The following DYNC2I1 variants were observed in gnomAD, a reference collection of about 807,000 sequenced individuals.
DYNC2I1 encodes cytoplasmic dynein 2 intermediate chain 1.
DYNC2I1 carries 89 observed loss-of-function variants against 133.4 expected under a neutral mutation model. That is an observed-to-expected ratio of 0.67 (90% confidence interval 0.56 to 0.80). The LOEUF is 0.80. DYNC2I1 is among the 30% of genes least tolerant of loss of function. The probability of loss-of-function intolerance (pLI) is 0.00; values close to 1 mark genes in which losing one functional copy is unlikely to be tolerated. For missense variants in DYNC2I1, 1,291 were observed against 1,314.5 expected (o/e 0.98, Z 0.28); for synonymous variants, 504 against 484.3 (o/e 1.04, Z -0.54).
At chr7:158,935,868 C>G (rs1850703757) in intron 23 of DYNC2I1, among the ~76,000 whole-genome samples, 1 of 152,046 alleles carries the variant, frequency 6.6e-6, no homozygotes, top group South Asian at 2.1e-4. Flanking sequence ...GAGTTCAAGA[C>G]CAGCCTGACC....
At chr7:158,839,438 A>C in the DYNC2I1 span, among the ~76,000 whole-genome samples, 3 of 150,464 alleles carry the variant, frequency 2.0e-5, no homozygotes, top group Admixed American at 6.6e-5. Context: ...AAACCTAAAG[A>C]GGATGCTAAT....
At chr7:158,853,553 TCTC>T (rs370684086), upstream of DYNC2I1, among the ~76,000 whole-genome samples, 228 of 152,194 alleles carry the variant, frequency 1.5e-3, 1 homozygote, top group African/African-American at 5.3e-3. Context: ...CCCAACAGGT[TCTC>T]CTTGCCGGCT....
At chr7:158,897,656 A>G (rs1293024072) in intron 8 of DYNC2I1, among the ~76,000 whole-genome samples, 1 of 152,108 alleles carries the variant, frequency 6.6e-6, no homozygotes, top group Admixed American at 6.6e-5. Context: ...AGCTTGGCCT[A>G]GAAGTGTACT....
chr7:158,870,075 C>T (rs982237403), intron 2 of DYNC2I1, among the ~76,000 whole-genome samples, 167 bp downstream of exon 2: 4 of 152,198 alleles, frequency 2.6e-5, no homozygotes, highest in Admixed American at 6.5e-5. Context: ...CCCTCTGGAA[C>T]GTTGGTTAAG....
chr7:158,864,324 C>T (rs140379706), intron 1 of DYNC2I1, among the ~76,000 whole-genome samples: 122 of 152,194 alleles, frequency 8.0e-4, no homozygotes, highest in African/African-American at 2.7e-3. Flanking sequence ...AGATGAATGT[C>T]ACAGGGTTGG....
At chr7:158,845,239 T>C in the DYNC2I1 span, among the ~76,000 whole-genome samples, 1 of 152,106 alleles carries the variant, frequency 6.6e-6, no homozygotes, top group Non-Finnish European at 1.5e-5. Context: ...TTTTTTTTTG[T>C]ATGGTGAGTG....
chr7:158,890,716 G>A (rs1041327038), intron 7 of DYNC2I1, among the ~76,000 whole-genome samples: 1 of 151,998 alleles, frequency 6.6e-6, no homozygotes, highest in South Asian at 2.1e-4. Flanking sequence ...TGGGATTATA[G>A]GCACCCGCCA....
chr7:158,916,211 C>A (rs1305466167), intron 14 of DYNC2I1, among the ~76,000 whole-genome samples: 1 of 80,772 alleles, frequency 1.2e-5, no homozygotes, highest in South Asian at 3.5e-4. Context: ...GATTGTGAAA[C>A]GTCTACACGC....
intron 23 of DYNC2I1, 110 bp downstream of exon 23, chr7:158,934,659 C>A (rs1000275830): frequency 8.7e-6 from 10 of 1,151,424 alleles, no homozygotes; most frequent in East Asian, 5.4e-5. Flanking sequence ...TAGCTCACTG[C>A]AGCCTTGAAC....
Position 158,917,645 on chromosome 7 carries a change from G to A in DYNC2I1, c.1792-1095G>A, listed in dbSNP as rs533496700. Among the ~76,000 whole-genome samples, 172 of 108,936 alleles carry A rather than the reference G, an allele frequency of 1.6e-3. 2 individuals are homozygous for A. The highest frequency in any genetic ancestry group is 6.9e-3 in the African/African-American group (158 of 22,780). 71.5% of individuals were successfully genotyped at this position (108,936 alleles called of 152,430 possible). ...TCCTGTCCTCCACACTCCACCCTCC[G>A]CCTCTCGCTAAACACCCCCTGCCCT... On this transcript the variant is annotated intron_variant, in intron 14 of 24. Transcript: ENST00000407559.
At chr7:158,898,944 G>A (rs1195961641) in intron 8 of DYNC2I1, among the ~76,000 whole-genome samples, 2 of 151,472 alleles carry the variant, frequency 1.3e-5, no homozygotes, top group Non-Finnish European at 2.9e-5. Context: ...GAATAAGACT[G>A]TATCACTCCC....
chr7:158,877,344 G>A (rs1418259410), intron 4 of DYNC2I1, among the ~76,000 whole-genome samples: 1 of 152,252 alleles, frequency 6.6e-6, no homozygotes, highest in Admixed American at 6.5e-5. Flanking sequence ...GGCACCTGCG[G>A]TTCTGGACAC....
chr7:158,877,553 A>G (rs2129478273), intron 4 of DYNC2I1, among the ~76,000 whole-genome samples: 1 of 152,342 alleles, frequency 6.6e-6, no homozygotes, highest in Middle Eastern at 3.4e-3. Context: ...ATAATTCCTT[A>G]TGTCCTAAGC....
At chr7:158,901,125 C>T (rs1411198371) in intron 8 of DYNC2I1, among the ~76,000 whole-genome samples, 1 of 152,126 alleles carries the variant, frequency 6.6e-6, no homozygotes, top group Non-Finnish European at 1.5e-5. Context: ...CTTGATTGTG[C>T]AGTGGCGCGA....
chr7:158,872,635 A>C (rs77024757), intron 3 of DYNC2I1, among the ~76,000 whole-genome samples: 1 of 152,030 alleles, frequency 6.6e-6, no homozygotes, highest in Non-Finnish European at 1.5e-5. Context: ...TCTAAAAGAA[A>C]AAAAAAACCA....
intron 4 of DYNC2I1, among the ~76,000 whole-genome samples, chr7:158,878,400 T>A (rs1300819134): frequency 1.2e-5 from 1 of 81,970 alleles, no homozygotes; most frequent in Non-Finnish European, 2.4e-5. Context: ...CCGGGTGCCA[T>A]GTGGGGAGGC....
At chr7:158,883,215 CTTCTTTTTTTT>C (rs1844224636) in intron 5 of DYNC2I1, among the ~76,000 whole-genome samples, 1 of 146,656 alleles carries the variant, frequency 6.8e-6, no homozygotes. Flanking sequence ...ATTTTTTCTT[CTTCTTTTTTTT>C]TTTTTTTTTG....
At position 158,902,383 on chromosome 7, in the gene DYNC2I1, A is replaced by T; in HGVS notation, c.1145A>T (p.Glu382Val). The change falls in exon 10 of 25, where the codon GAA becomes GTA. Residue 382 changes from glutamate to valine, a missense_variant. Glu to Val is a moderately radical substitution (Grantham distance 121). Transcript: ENST00000407559. ...GATTATTATTGTTTGCAGGACTATG[A>T]AGATGACTTTGAGGTTTGTGATGGT... ...ASCEDDFEDY[E>V]DDFEVCDGDD... 6.2e-7 allele frequency: 1 copy of T among 1,612,294 alleles called. No homozygotes were observed. Among genetic ancestry groups the T allele is most frequent in the Non-Finnish European group, 8.5e-7 (1 of 1,179,678 alleles).
At chr7:158,921,050 G>A (rs528553949) in intron 15 of DYNC2I1, among the ~76,000 whole-genome samples, 18 of 152,336 alleles carry the variant, frequency 1.2e-4, no homozygotes, top group Admixed American at 6.5e-4. Context: ...TGAGTAGGAC[G>A]ACAGCAACTC....
Sources: gnomAD v4.1 joint callset for allele counts (sites outside exome capture counted in the v4.1 genomes callset) on GRCh38, gnomAD v4.1.1 for gene constraint, MANE v1.5 for transcripts, NCBI Gene and HGNC (gene_info 2026-07-23, HGNC 2026-07-21) for gene names.